PRAG1: variants seen among roughly 807,000 people sequenced by gnomAD.
The protein encoded by PRAG1 is PEAK1 related, kinase-activating pseudokinase 1.
Under a neutral mutation model 95.6 loss-of-function variants are expected in PRAG1, and 110 were observed. That is an observed-to-expected ratio of 1.15 (90% CI 0.99 to 1.35). PRAG1 has a LOEUF of 1.35. Among genes scored for constraint, PRAG1 ranks in the 40% most tolerant of loss-of-function variants. The probability of loss-of-function intolerance (pLI) is 0.00; values close to 1 mark genes in which losing one functional copy is unlikely to be tolerated. For synonymous variants in PRAG1, 1,052 were observed against 819.4 expected (o/e 1.28, Z -4.85); for missense variants, 2,554 against 1,864.7 (o/e 1.37, Z -6.81).
In PRAG1 at chr8:8,381,512, T is replaced by C; in HGVS notation, c.236A>G (p.Tyr79Cys). ...CTTCACGGCAATTGTGGGCTTGGAG[T>C]AAGGTGAGCTGTTCACACCTTCATC... ...LEDEGVNSSP[Y>C]SKPTIAVKPT... is the part of the protein sequence containing the mutation. The change falls in exon 2 of 6, where the codon TAC (tyrosine) becomes TGC (cysteine). Residue 79 changes from tyrosine to cysteine, a missense_variant. Coordinates refer to ENST00000615670, the MANE Select transcript of PRAG1 (RefSeq NM_001080826.3). The C allele has an allele frequency of 1.9e-6, 3 of 1,614,114 alleles. No homozygotes were observed. Among genetic ancestry groups the C allele is most frequent in the Non-Finnish European group, 2.5e-6 (3 of 1,180,016 alleles).
At chr8:8,352,106 A>G (rs555142195) in intron 3 of PRAG1, among the ~76,000 whole-genome samples, 9 of 152,356 alleles carry the variant, frequency 5.9e-5, no homozygotes, top group African/African-American at 2.2e-4. Flanking sequence ...AACCAGCTTC[A>G]GTGTATTTTA....
chr8:8,354,589 G>A (rs968799356), intron 3 of PRAG1, among the ~76,000 whole-genome samples: 1 of 152,184 alleles, frequency 6.6e-6, no homozygotes, highest in African/African-American at 2.4e-5. Context: ...AATGTGACCA[G>A]TGGGATTTAT....
chr8:8,361,036 GTA>G (rs1185273140), intron 3 of PRAG1, among the ~76,000 whole-genome samples: 1 of 152,146 alleles, frequency 6.6e-6, no homozygotes, highest in Non-Finnish European at 1.5e-5. Flanking sequence ...TTCAGCCCAA[GTA>G]TATAACTGAG....
At chr8:8,371,152 G>T (rs1003923554) in intron 3 of PRAG1, among the ~76,000 whole-genome samples, 1 of 145,408 alleles carries the variant, frequency 6.9e-6, no homozygotes, top group Non-Finnish European at 1.5e-5. Flanking sequence ...AAAAAAAAAA[G>T]AGTGAGCAAA....
In PRAG1 at chr8:8,377,341, G is replaced by A. The variant is rs755910907; in HGVS notation, c.1068C>T (p.Pro356=). The stretch of plus-strand genomic sequence containing the variant: ...AATCACTCTCGAGGTGGGGGACGAA[G>A]GGGCTACTGGCGCCGCTGCCGCTGC... ...GSGSGSGASS[P]FVPHLESDYC... is the part of the protein sequence containing the mutation. The change falls in exon 3 of 6, where the codon CCC becomes CCT. Residue 356 remains proline, a synonymous_variant. Transcript: ENST00000615670. 22 of 1,595,806 alleles carry A rather than the reference G, an allele frequency of 1.4e-5. No homozygotes were observed. Among genetic ancestry groups the A allele is most frequent in the Non-Finnish European group, 1.8e-5 (21 of 1,172,312 alleles).
chr8:8,332,642 C>T (rs1414148365), intron 4 of PRAG1, among the ~76,000 whole-genome samples: 1 of 148,186 alleles, frequency 6.7e-6, no homozygotes, highest in Admixed American at 6.9e-5. Context: ...CCACCACCTC[C>T]AGGCCACTCC....
At chr8:8,362,247 G>A (rs1799866535) in intron 3 of PRAG1, among the ~76,000 whole-genome samples, 1 of 152,184 alleles carries the variant, frequency 6.6e-6, no homozygotes, top group African/African-American at 2.4e-5. Context: ...TGGAACCACA[G>A]GTAGCACCCA....
Position 8,377,031 on chromosome 8 carries a change from C to G in PRAG1, c.1378G>C (p.Gly460Arg), listed in dbSNP as rs1356907416. The G allele has an allele frequency of 6.2e-7, 1 of 1,613,994 alleles. No individual in the cohort carries two copies. The highest frequency in any genetic ancestry group is 1.7e-5 in the Admixed American group (1 of 60,022). Reference sequence around the variant, plus strand: ...GGAGTTGGGTCTGGGCTGTCCCGGCCCCAGCCAGATGCTGCTTTCTGGGCC... The same window carrying G: ...GGAGTTGGGTCTGGGCTGTCCCGGCGCCAGCCAGATGCTGCTTTCTGGGCC... ...AWAQKAASGWGRDSPDPTPQV... is the reference protein window; with the variant it reads ...AWAQKAASGWRRDSPDPTPQV... Residue 460 changes from glycine to arginine, a missense_variant, in exon 3 of 6, where the codon GGC (glycine) becomes CGC (arginine). Physicochemically the swap from Gly to Arg is moderately radical, Grantham distance 125. Coordinates refer to ENST00000615670, the MANE Select transcript of PRAG1 (RefSeq NM_001080826.3).
At chr8:8,370,760 G>A (rs929730292) in intron 3 of PRAG1, among the ~76,000 whole-genome samples, 4 of 152,134 alleles carry the variant, frequency 2.6e-5, no homozygotes, top group African/African-American at 9.7e-5. Flanking sequence ...AGTTCCTCTG[G>A]TTACTGATGT....
chr8:8,327,708 A>G lies in PRAG1; in HGVS notation c.3072+2T>C, dbSNP rs1248959672. On this transcript the variant is annotated splice_donor_variant, in intron 5 of 5. Coordinates refer to ENST00000615670, the MANE Select transcript of PRAG1 (RefSeq NM_001080826.3). LOFTEE classifies it high-confidence loss of function. ...AGAATGCAAGGAGGGAGTGGTACCT[A>G]CTTTCACAGCATAGGTGCTGCCGGG... The G allele has an allele frequency of 6.2e-7, 1 of 1,607,402 alleles. No homozygotes were observed. The highest frequency in any genetic ancestry group is 8.5e-7 in the Non-Finnish European group (1 of 1,175,610).
rs775274761 is a variant in PRAG1, at chr8:8,318,522, C to A, written c.3853G>T (p.Glu1285Ter). ...AGCGCGGGCAGCGGCGGCAGGTCCTCCTGCCGGTAGTCTCTCTCCCGCAGC... is the reference window on the plus strand; with the variant it reads ...AGCGCGGGCAGCGGCGGCAGGTCCTACTGCCGGTAGTCTCTCTCCCGCAGC... Reference protein sequence around the residue: ...AQLRERDYRQEDLPPLPALSL... With the variant: ...AQLRERDYRQ Residue 1285 changes from glutamate (E) to a stop codon, truncating the protein, a stop_gained, in exon 6 of 6, where the codon GAG (glutamate) becomes TAG (stop). Coordinates refer to ENST00000615670, the MANE Select transcript of PRAG1 (RefSeq NM_001080826.3). LOFTEE classifies it high-confidence loss of function. The surrounding 1 kb of genome is among the most constrained non-coding windows in gnomAD (Gnocchi z 4.2). The A allele has an allele frequency of 6.2e-7, 1 of 1,612,648 alleles. No individual in the cohort carries two copies. Among genetic ancestry groups the A allele is most frequent in the Non-Finnish European group, 8.5e-7 (1 of 1,179,754 alleles).
chr8:8,381,858 G>C, intron 1 of PRAG1, 24 bp from the exon 2 acceptor site: 2 of 813,166 alleles, frequency 2.5e-6, no homozygotes, highest in East Asian at 2.7e-5. Flanking sequence ...ACAGTTTCCT[G>C]ATTAGAGATT....
chr8:8,364,501 G>T (rs1276029916), intron 3 of PRAG1, among the ~76,000 whole-genome samples: 2 of 152,128 alleles, frequency 1.3e-5, no homozygotes, highest in East Asian at 3.9e-4. Context: ...TTAATTTGAT[G>T]AAGTCAAAGC....
intron 3 of PRAG1, among the ~76,000 whole-genome samples, chr8:8,354,308 C>G (rs1367088605): frequency 1.3e-5 from 2 of 151,976 alleles, no homozygotes; most frequent in African/African-American, 4.8e-5. Context: ...AACCCCAGGA[C>G]CAGATGGCTT....
At chr8:8,370,807 A>C (rs1246952664) in intron 3 of PRAG1, among the ~76,000 whole-genome samples, 2 of 152,186 alleles carry the variant, frequency 1.3e-5, no homozygotes, top group African/African-American at 4.8e-5. Flanking sequence ...TCCACTCATG[A>C]CACTGTCACT....
At chr8:8,384,157 T>A (rs1013164714) in intron 1 of PRAG1, among the ~76,000 whole-genome samples, 16 of 152,080 alleles carry the variant, frequency 1.1e-4, no homozygotes, top group African/African-American at 3.6e-4. Context: ...TTCCTCAGGG[T>A]CTATCACAGA....
Position 8,327,919 on chromosome 8 carries a change from G to C in PRAG1, c.2863C>G (p.Leu955Val), listed in dbSNP as rs926262860. Residue 955 changes from leucine to valine, a missense_variant, in exon 5 of 6, where the codon CTG becomes GTG. By Grantham distance (32) the Leu-to-Val change is conservative. Coordinates refer to ENST00000615670, the MANE Select transcript of PRAG1 (RefSeq NM_001080826.3). ...AGGGACTGGGTGTAGAGTCCCCCCA[G>C]CTTGGCATAGGTGCCCTCCTTGCTG... is the stretch of plus-strand genomic sequence containing the variant. ...ISSKEGTYAK[L>V]GGLYTQSLAR... 1.9e-6 allele frequency: 3 copies of C among 1,613,854 alleles called. No individual in the cohort carries two copies. The highest frequency in any genetic ancestry group is 1.7e-5 in the Admixed American group (1 of 60,002).
intron 4 of PRAG1, among the ~76,000 whole-genome samples, chr8:8,335,558 T>G (rs965324277): frequency 6.6e-6 from 1 of 151,988 alleles, no homozygotes; most frequent in African/African-American, 2.4e-5. Context: ...AAAAAAAAAG[T>G]ATTGACTTTA....
Position 8,353,351 on chromosome 8 carries a change from A to C in PRAG1, c.2163-13716T>G, listed in dbSNP as rs1017034174. ...ATTCAGGAAAATTGAAATCATATCT[A>C]GTATTGTTTCCAACCACAACAGTGT... On this transcript the variant is annotated intron_variant, in intron 3 of 5. Transcript: ENST00000615670. Among the ~76,000 whole-genome samples the C allele has an allele frequency of 3.3e-5, 5 of 152,190 alleles. No individual in the cohort carries two copies. The South Asian group carries it at 1.0e-3, about 31-fold the overall frequency.
Sources: allele counts gnomAD v4.1 joint callset (sites outside exome capture counted in the v4.1 genomes callset), GRCh38; gene constraint gnomAD v4.1.1; non-coding constraint Gnocchi (gnomAD v3.1); transcripts MANE v1.5; gene names NCBI Gene and HGNC (gene_info 2026-07-23, HGNC 2026-07-21).